Variants in HEMK2 observed in about 807,000 individuals in gnomAD.
The protein encoded by HEMK2 is HemK methyltransferase 2, ETF1 glutamine and histone H4 lysine.
At chr21:28,613,235 C>T in the HEMK2 span, among the ~76,000 whole-genome samples, 115 of 151,274 alleles carry the variant, frequency 7.6e-4, no homozygotes, top group African/African-American at 2.7e-3. Context: ...ACAGAAACCA[C>T]AGAGTGGCTT....
the HEMK2 span, among the ~76,000 whole-genome samples, chr21:28,766,101 CA>C: frequency 2.6e-5 from 4 of 151,954 alleles, no homozygotes; most frequent in African/African-American, 9.7e-5. Flanking sequence ...AGGAATTGAA[CA>C]ATGAGAACAC....
chr21:28,591,719 A>G, the HEMK2 span, among the ~76,000 whole-genome samples: 1 of 152,060 alleles, frequency 6.6e-6, no homozygotes, highest in Non-Finnish European at 1.5e-5. Context: ...ACCCTCTGGT[A>G]GGCTCCAGTG....
chr21:28,668,054 G>C, the HEMK2 span, among the ~76,000 whole-genome samples: 1 of 152,294 alleles, frequency 6.6e-6, no homozygotes, highest in Non-Finnish European at 1.5e-5. Flanking sequence ...AATCCTGAGA[G>C]TGTTCTAGGT....
At chr21:28,592,031 T>C in the HEMK2 span, among the ~76,000 whole-genome samples, 13 of 152,206 alleles carry the variant, frequency 8.5e-5, no homozygotes, top group Non-Finnish European at 1.8e-4. Flanking sequence ...TGTAATTTTA[T>C]GATAGAACAA....
chr21:28,874,578 TC>T, the HEMK2 span: 1 of 152,254 alleles, frequency 6.6e-6, no homozygotes, highest in South Asian at 2.1e-4. Context: ...GCTACTTTGC[TC>T]ATGAAACAAT....
chr21:28,595,863 C>T, the HEMK2 span, among the ~76,000 whole-genome samples: 1 of 152,040 alleles, frequency 6.6e-6, no homozygotes, highest in East Asian at 1.9e-4. Context: ...TGGCTCACTG[C>T]AAGCTCTGCC....
the HEMK2 span, among the ~76,000 whole-genome samples, chr21:28,733,135 C>T: frequency 2.7e-3 from 404 of 152,108 alleles, 3 homozygotes; most frequent in African/African-American, 9.1e-3. Context: ...AAAAATTAGC[C>T]GGGCGTGGTG....
chr21:28,760,874 T>C, the HEMK2 span, among the ~76,000 whole-genome samples: 44 of 152,318 alleles, frequency 2.9e-4, no homozygotes, highest in African/African-American at 1.1e-3. Context: ...TTCTACTGTG[T>C]GTTTATTGTT....
the HEMK2 span, among the ~76,000 whole-genome samples, chr21:28,618,949 C>T: frequency 2.0e-5 from 3 of 152,114 alleles, no homozygotes; most frequent in Non-Finnish European, 4.4e-5. Flanking sequence ...GGTACCTCAC[C>T]GTATGACTGT....
the HEMK2 span, among the ~76,000 whole-genome samples, chr21:28,767,800 G>A: frequency 6.6e-6 from 1 of 151,964 alleles, no homozygotes; most frequent in Non-Finnish European, 1.5e-5. Flanking sequence ...AAGTCATTCT[G>A]CCCAACTCCT....
At chr21:28,781,834 T>G in the HEMK2 span, among the ~76,000 whole-genome samples, 1 of 152,224 alleles carries the variant, frequency 6.6e-6, no homozygotes, top group Non-Finnish European at 1.5e-5. Context: ...TGGCCCAATG[T>G]CAGACATAAT....
chr21:28,601,202 A>C, the HEMK2 span, among the ~76,000 whole-genome samples: 1 of 152,120 alleles, frequency 6.6e-6, no homozygotes, highest in South Asian at 2.1e-4. Flanking sequence ...TCCTGGTAAA[A>C]CACCATCAGG....
the HEMK2 span, among the ~76,000 whole-genome samples, chr21:28,764,739 A>G: frequency 6.6e-6 from 1 of 152,110 alleles, no homozygotes; most frequent in Non-Finnish European, 1.5e-5. Flanking sequence ...AGAGAGGGAG[A>G]CAGGCTCAAC....
At chr21:28,600,105 C>T in the HEMK2 span, among the ~76,000 whole-genome samples, 7 of 152,206 alleles carry the variant, frequency 4.6e-5, no homozygotes, top group Non-Finnish European at 1.0e-4. Context: ...ATTCTGGGAT[C>T]TGGAGGACAA....
At chr21:28,797,461 A>G in the HEMK2 span, among the ~76,000 whole-genome samples, 1 of 151,472 alleles carries the variant, frequency 6.6e-6, no homozygotes, top group Non-Finnish European at 1.5e-5. Flanking sequence ...AAAACAAAAA[A>G]CAAACAAAAA....
chr21:28,809,827 A>G, the HEMK2 span, among the ~76,000 whole-genome samples: 1 of 152,204 alleles, frequency 6.6e-6, no homozygotes, highest in Admixed American at 6.5e-5. Context: ...AGTTGTATCT[A>G]TCTTGATGCC....
chr21:28,732,094 C>T, the HEMK2 span, among the ~76,000 whole-genome samples: 74,568 of 151,820 alleles, frequency 0.49, 20,773 homozygotes, highest in East Asian at 0.78. Flanking sequence ...TTCTAGGACG[C>T]AGGCTAAATC....
the HEMK2 span, among the ~76,000 whole-genome samples, chr21:28,831,771 G>GAAAGAAAGAAAGAAAT: frequency 6.9e-6 from 1 of 144,574 alleles, no homozygotes; most frequent in Non-Finnish European, 1.5e-5. Context: ...AAGAAAGAAA[G>GAAAGAAAGAAAGAAAT]AAACAGTATC....
At chr21:28,821,264 C>A in the HEMK2 span, among the ~76,000 whole-genome samples, 2 of 152,140 alleles carry the variant, frequency 1.3e-5, no homozygotes, top group South Asian at 4.1e-4. Context: ...TTACACTGCA[C>A]CACAGAGGGA....
Sources: allele counts gnomAD v4.1 joint callset (sites outside exome capture counted in the v4.1 genomes callset), GRCh38; gene constraint gnomAD v4.1.1; transcripts MANE v1.5; gene names NCBI Gene and HGNC (gene_info 2026-07-23, HGNC 2026-07-21).